AAK1: variants seen among roughly 807,000 people sequenced by gnomAD.
AAK1 encodes the protein AP2-associated protein kinase 1.
AAK1 carries 37 observed loss-of-function variants against 116.0 expected under a neutral mutation model. The observed-to-expected ratio is 0.32, with a 90% CI of 0.25 to 0.42. The LOEUF is 0.42. Ranked by LOEUF, AAK1 falls within the 10% of genes least tolerant of loss-of-function variation. AAK1 has a pLI of 1.00. For synonymous variants in AAK1, 458 were observed against 439.9 expected (o/e 1.04, Z -0.51); for missense variants, 919 against 1,170.6 (o/e 0.79, Z 3.14).
Position 69,531,325 on chromosome 2 carries a change from T to G in AAK1, c.657-619A>C, listed in dbSNP as rs1446958483. 2.6e-5 allele frequency among the ~76,000 whole-genome samples: 4 copies of G among 152,196 alleles called. No individual in the cohort carries two copies. In the East Asian group the frequency reaches 5.8e-4, roughly 22 times the overall value. ...ATCCCAGATGGGACACGTCTAGGCA[T>G]CCCTCAGGGCCTTGGGTCGATCAGG... On this transcript the variant is annotated intron_variant, in intron 6 of 21. Coordinates refer to ENST00000409085, the MANE Select transcript of AAK1 (RefSeq NM_014911.5).
chr2:69,601,859 C>T (rs542532279), intron 2 of AAK1, among the ~76,000 whole-genome samples: 5 of 152,106 alleles, frequency 3.3e-5, no homozygotes, highest in Non-Finnish European at 7.4e-5. Flanking sequence ...CAAAGTATCA[C>T]CCTACAAAAT....
At chr2:69,557,301 CTTTTT>C (rs869066825) in intron 2 of AAK1, among the ~76,000 whole-genome samples, 1 of 136,730 alleles carries the variant, frequency 7.3e-6, no homozygotes, top group African/African-American at 2.7e-5. Context: ...ATCCTATGTA[CTTTTT>C]TTTTTTTTTT....
chr2:69,521,128 A>G (rs1669759431), intron 10 of AAK1, 140 bp from the exon 11 acceptor site: 1 of 927,718 alleles, frequency 1.1e-6, no homozygotes, highest in Non-Finnish European at 1.6e-6. Flanking sequence ...AGAATCTCCC[A>G]CAGGATGCCA....
chr2:69,484,787 A>C (rs534221123), intron 17 of AAK1, among the ~76,000 whole-genome samples: 1 of 152,080 alleles, frequency 6.6e-6, no homozygotes, highest in Non-Finnish European at 1.5e-5. Context: ...AGGCAAGAGA[A>C]TTGCTTGTAC....
rs1226566117 is a variant in AAK1 at position 69,487,609 on chromosome 2, G to T, written c.2366-4797C>A. On this transcript the variant is annotated intron_variant, in intron 17 of 21. Coordinates refer to ENST00000409085, the MANE Select transcript of AAK1 (RefSeq NM_014911.5). ...ACAGTTCATACCTGAAATGTACAAAGACTGACACTGTTATTCTCAATTATT... is the reference window on the plus strand; with the variant it reads ...ACAGTTCATACCTGAAATGTACAAATACTGACACTGTTATTCTCAATTATT... 4.6e-5 allele frequency among the ~76,000 whole-genome samples: 7 copies of T among 152,230 alleles called. No individual in the cohort carries two copies. In the East Asian group the frequency reaches 5.8e-4, roughly 13 times the overall value.
intron 20 of AAK1, among the ~76,000 whole-genome samples, chr2:69,477,473 C>T (rs1674897445): frequency 6.6e-6 from 1 of 152,112 alleles, no homozygotes; most frequent in Non-Finnish European, 1.5e-5. Flanking sequence ...GAAGGACTCA[C>T]TGCACTGTGA....
In AAK1 at chr2:69,462,894, A is replaced by G. The variant is rs1674378012; in HGVS notation, c.*12975T>C. 1 of 152,248 alleles carries G rather than the reference A, an allele frequency of 6.6e-6. No individual in the cohort carries two copies. The highest frequency in any genetic ancestry group is 6.5e-5 in the Admixed American group (1 of 15,290). 9.4% of individuals were successfully genotyped at this position (152,248 alleles called of 1,614,324 possible). On this transcript the variant is annotated 3_prime_UTR_variant, in exon 22 of 22. Transcript: ENST00000409085. ...TCAGAAAGGAGAATTGGGAAAAAGC[A>G]TATTCTTAGAATAACATTTAGCATC... is the stretch of plus-strand genomic sequence containing the variant.
chr2:69,545,236 T>C (rs532098583), intron 3 of AAK1, among the ~76,000 whole-genome samples: 2 of 152,312 alleles, frequency 1.3e-5, no homozygotes, highest in East Asian at 3.9e-4. Flanking sequence ...GCACCTCCTA[T>C]GTGTCAGGAC....
At chr2:69,481,311 A>T (rs1675079418) in intron 18 of AAK1, 1 of 163,224 alleles carries the variant, frequency 6.1e-6, no homozygotes, top group East Asian at 1.8e-4. Flanking sequence ...AGTCTCACTA[A>T]TGATCAGTTC....
At chr2:69,522,362 T>C (rs550876103) in intron 10 of AAK1, among the ~76,000 whole-genome samples, 3 of 152,286 alleles carry the variant, frequency 2.0e-5, no homozygotes, top group Non-Finnish European at 2.9e-5. Context: ...CCCAGAAACT[T>C]TGCACTGGCA....
Position 69,479,028 on chromosome 2 carries a change from C to T in AAK1, c.2603G>A (p.Cys868Tyr), listed in dbSNP as rs549137333. The change falls in exon 20 of 22, where the codon TGC becomes TAC. Residue 868 changes from cysteine (C) to tyrosine (Y), a missense_variant. This residue lies in a region of AAK1 where 263 missense variants were observed against 285.5 expected (regional missense o/e 0.92). Transcript: ENST00000409085. ...SLTGEDSLLD[C>Y]SLLSNPTTDL... ...AGTAGTAGGGTTAGAGAGCAGAGAG[C>T]AATCAAGCAGGGAATCTTCCCCGGT... The T allele has an allele frequency of 5.2e-5, 84 of 1,613,770 alleles. 1 individual carries two copies. The South Asian group carries it at 9.0e-4, about 17-fold the overall frequency.
intron 18 of AAK1, 143 bp downstream of exon 18, chr2:69,482,568 G>T: frequency 1.3e-6 from 1 of 754,778 alleles, no homozygotes; most frequent in South Asian, 1.5e-5. Context: ...CACTTCATTT[G>T]GAGTGATACA....
At chr2:69,571,525 C>T (rs757706200) in intron 2 of AAK1, among the ~76,000 whole-genome samples, 2 of 152,182 alleles carry the variant, frequency 1.3e-5, no homozygotes, top group Non-Finnish European at 2.9e-5. Context: ...GTTCCTTGCA[C>T]CCAATGACTC....
chr2:69,594,911 G>T (rs1310507299), intron 2 of AAK1: 42 of 1,239,804 alleles, frequency 3.4e-5, no homozygotes, highest in Non-Finnish European at 4.5e-5. Context: ...GGCTTAGTTT[G>T]CCCACTACAG....
rs1457782003 is a variant in AAK1 at position 69,475,513 on chromosome 2, G to A, written c.*356C>T. 7.7e-6 allele frequency: 8 copies of A among 1,035,348 alleles called. No homozygotes were observed. The highest frequency in any genetic ancestry group is 8.2e-5 in the East Asian group (1 of 12,176). The allele number at this position is 1,035,348 out of a possible 1,614,324, so 64.1% of individuals were successfully genotyped here. On this transcript the variant is annotated 3_prime_UTR_variant, in exon 22 of 22. Transcript: ENST00000409085. ...CTGGGAGGCCATTCCTAGCAAGAACGAGACAAAAGTGTCAATTCACTAGTT... is the reference window on the plus strand; with the variant it reads ...CTGGGAGGCCATTCCTAGCAAGAACAAGACAAAAGTGTCAATTCACTAGTT...
At chr2:69,583,614 T>C (rs1009620199) in intron 2 of AAK1, among the ~76,000 whole-genome samples, 1 of 152,226 alleles carries the variant, frequency 6.6e-6, no homozygotes, top group African/African-American at 2.4e-5. Flanking sequence ...GGTCTCGGCT[T>C]CATGGCTGAA....
chr2:69,503,621 G>A (rs1676061389), intron 16 of AAK1, among the ~76,000 whole-genome samples: 1 of 152,134 alleles, frequency 6.6e-6, no homozygotes, highest in African/African-American at 2.4e-5. Flanking sequence ...CTGGGGTCAA[G>A]GGATCCTCCC....
chr2:69,569,549 T>C (rs1011449054), intron 2 of AAK1, among the ~76,000 whole-genome samples: 12 of 152,094 alleles, frequency 7.9e-5, no homozygotes, highest in African/African-American at 2.9e-4. Context: ...TTGGATGAGT[T>C]TTGGTAAGTG....
intron 2 of AAK1, among the ~76,000 whole-genome samples, chr2:69,570,387 C>CGGTA (rs1672045995): frequency 6.6e-6 from 1 of 152,008 alleles, no homozygotes; most frequent in East Asian, 1.9e-4. Context: ...TTCAGATTAC[C>CGGTA]ATACATGTGG....
Sources: gnomAD v4.1 joint callset for allele counts (sites outside exome capture counted in the v4.1 genomes callset) on GRCh38, gnomAD v4.1.1 for gene constraint, gnomAD v4.1.1 regional missense constraint, MANE v1.5 for transcripts, NCBI Gene and HGNC (gene_info 2026-07-23, HGNC 2026-07-21) for gene names.